Variants in SIPA1L3 observed in about 807,000 individuals in gnomAD.
SIPA1L3 encodes the protein signal-induced proliferation-associated 1-like protein 3.
Under a neutral mutation model 150.1 loss-of-function variants are expected in SIPA1L3, and 59 were observed. The observed-to-expected ratio is 0.39, with a 90% CI of 0.32 to 0.49. The LOEUF (loss-of-function observed/expected upper bound fraction) is 0.49. Among genes scored for constraint, SIPA1L3 ranks in the 20% least tolerant of loss-of-function variants. The probability of loss-of-function intolerance (pLI) is 0.86; values close to 1 mark genes in which losing one functional copy is unlikely to be tolerated. For missense variants in SIPA1L3, 2,211 were observed against 2,489.5 expected (o/e 0.89, Z 2.38); for synonymous variants, 1,070 against 1,077.6 (o/e 0.99, Z 0.14).
chr19:38,082,332 G>A lies in SIPA1L3; in HGVS notation c.767G>A (p.Gly256Glu). ...CCACACCTCATGGGGGGCGGCGGCGGAGCCAAGGGGGACTCCCACAACGGG... is the reference window on the plus strand; with the variant it reads ...CCACACCTCATGGGGGGCGGCGGCGAAGCCAAGGGGGACTCCCACAACGGG... ...PGPHLMGGGG[G>E]AKGDSHNGQP... is the part of the protein sequence containing the mutation. Residue 256 changes from glycine (G) to glutamate (E), a missense_variant, in exon 3 of 22, where the codon GGA (glycine) becomes GAA (glutamate). By Grantham distance (98) the Gly-to-Glu change is moderately conservative. Transcript: ENST00000222345. 2 of 1,598,664 alleles carry A rather than the reference G, an allele frequency of 1.3e-6. No individual in the cohort carries two copies. The highest frequency in any genetic ancestry group is 1.7e-6 in the Non-Finnish European group (2 of 1,178,944).
At chr19:37,976,315 T>G (rs1967075599) in intron 1 of SIPA1L3, among the ~76,000 whole-genome samples, 1 of 152,092 alleles carries the variant, frequency 6.6e-6, no homozygotes, top group Admixed American at 6.5e-5. Context: ...GAAAGATGGC[T>G]GCTCTTGGAG....
intron 12 of SIPA1L3, among the ~76,000 whole-genome samples, chr19:38,147,623 A>G (rs950242256): frequency 7.2e-5 from 11 of 152,064 alleles, no homozygotes; most frequent in African/African-American, 2.7e-4. Context: ...CTCCAGTGCT[A>G]TTTATTGAAA....
intron 15 of SIPA1L3, among the ~76,000 whole-genome samples, chr19:38,171,737 G>C (rs1159992599): frequency 6.6e-6 from 1 of 152,112 alleles, no homozygotes; most frequent in African/African-American, 2.4e-5. Flanking sequence ...GGCTCCTGCA[G>C]TCCCAGCTAC....
intron 15 of SIPA1L3, among the ~76,000 whole-genome samples, chr19:38,171,543 C>T (rs956707427): frequency 2.6e-5 from 4 of 151,850 alleles, no homozygotes; most frequent in Non-Finnish European, 5.9e-5. Context: ...CAGGCACCTG[C>T]CACCACGCCC....
intron 1 of SIPA1L3, among the ~76,000 whole-genome samples, chr19:38,023,462 G>A (rs1968425288): frequency 6.6e-6 from 1 of 152,176 alleles, no homozygotes; most frequent in Non-Finnish European, 1.5e-5. Context: ...ATTTTCCCAA[G>A]GCAAAGTCCT....
intron 18 of SIPA1L3, 31 bp from the exon 19 acceptor site, chr19:38,198,358 A>G: frequency 6.7e-7 from 1 of 1,498,196 alleles, no homozygotes; most frequent in Admixed American, 2.3e-5. Flanking sequence ...TGTCACACTC[A>G]ACCACTGCCA....
intron 15 of SIPA1L3, among the ~76,000 whole-genome samples, chr19:38,178,638 G>A (rs914307954): frequency 6.6e-6 from 1 of 151,886 alleles, no homozygotes; most frequent in Non-Finnish European, 1.5e-5. Context: ...ACCATGCCCA[G>A]CTAATTTTTT....
At chr19:38,122,239 A>AGTGTTG in intron 9 of SIPA1L3, among the ~76,000 whole-genome samples, 1 of 152,230 alleles carries the variant, frequency 6.6e-6, no homozygotes, top group South Asian at 2.1e-4. Context: ...AAACAAAAGC[A>AGTGTTG]AACTCCTGTG....
chr19:37,916,323 G>C (rs1408695719), intron 1 of SIPA1L3, among the ~76,000 whole-genome samples: 1 of 151,816 alleles, frequency 6.6e-6, no homozygotes, highest in Non-Finnish European at 1.5e-5. Flanking sequence ...CACCGCATCT[G>C]ACCTCATCTC....
At chr19:37,983,539 G>C (rs117418328) in intron 1 of SIPA1L3, among the ~76,000 whole-genome samples, 1,742 of 152,264 alleles carry the variant, frequency 0.011, 23 homozygotes, top group Middle Eastern at 0.024. Flanking sequence ...TCAGGTATGC[G>C]GAGAGACCAG....
chr19:38,041,924 A>G (rs1283966131), intron 2 of SIPA1L3, among the ~76,000 whole-genome samples: 1 of 152,202 alleles, frequency 6.6e-6, no homozygotes, highest in Non-Finnish European at 1.5e-5. Flanking sequence ...GAGTTGTAAG[A>G]GTTCTCCATA....
At chr19:38,120,844 T>C (rs1223104317) in intron 9 of SIPA1L3, among the ~76,000 whole-genome samples, 1 of 152,250 alleles carries the variant, frequency 6.6e-6, no homozygotes, top group East Asian at 1.9e-4. Context: ...TGGTCAGTGA[T>C]TGCCTCTGCA....
chr19:38,015,721 TAAAAA>T (rs59452393), intron 1 of SIPA1L3, among the ~76,000 whole-genome samples: 9 of 102,166 alleles, frequency 8.8e-5, no homozygotes, highest in South Asian at 3.7e-4. Context: ...AAGATCCTGT[TAAAAA>T]AAAAAAAAAA....
chr19:38,113,731 C>A (rs1319785496), intron 8 of SIPA1L3, among the ~76,000 whole-genome samples: 1 of 152,166 alleles, frequency 6.6e-6, no homozygotes, highest in Admixed American at 6.6e-5. Flanking sequence ...ACATAGTGGG[C>A]CCTAAAGCCA....
intron 6 of SIPA1L3, among the ~76,000 whole-genome samples, chr19:38,101,591 A>G (rs1003924299): frequency 3.9e-5 from 6 of 152,032 alleles, no homozygotes; most frequent in Admixed American, 3.9e-4. Flanking sequence ...TTGTATTTTT[A>G]GTAGAGACAG....
chr19:38,050,517 TTATTATCAC>T (rs1969168858), intron 2 of SIPA1L3, among the ~76,000 whole-genome samples: 1 of 152,206 alleles, frequency 6.6e-6, no homozygotes, highest in African/African-American at 2.4e-5. Flanking sequence ...GCATTAGCAA[TTATTATCAC>T]TATCACCGTC....
chr19:38,204,032 A>T (rs769958228), intron 20 of SIPA1L3, 95 bp from the exon 21 acceptor site: 47 of 931,362 alleles, frequency 5.0e-5, no homozygotes, highest in Non-Finnish European at 6.9e-5. Flanking sequence ...GTCAGGGATA[A>T]GGGGGCCTGT....
rs1170855907 is a variant in SIPA1L3, at chr19:38,183,460, A to AG, written c.4430+724dup. Reference sequence around the variant, plus strand: ...GGTGGATGTGGTGTGAGAGAAAGAGAGGGGTTGAGGATGGTGCGTCGTCTT... The same window carrying AG: ...GGTGGATGTGGTGTGAGAGAAAGAGAGGGGGTTGAGGATGGTGCGTCGTCTT... On this transcript the variant is annotated intron_variant, in intron 16 of 21. Transcript: ENST00000222345. 3.9e-5 allele frequency among the ~76,000 whole-genome samples: 6 copies of AG among 152,012 alleles called. No homozygotes were observed. The South Asian group carries it at 1.0e-3, about 26-fold the overall frequency.
At chr19:38,090,451 C>T (rs1191070051) in intron 4 of SIPA1L3, among the ~76,000 whole-genome samples, 6 of 152,156 alleles carry the variant, frequency 3.9e-5, no homozygotes, top group Admixed American at 1.3e-4. Flanking sequence ...GGAAACTGCC[C>T]GGTCTAGCAT....
Sources: allele counts gnomAD v4.1 joint callset (sites outside exome capture counted in the v4.1 genomes callset), GRCh38; gene constraint gnomAD v4.1.1; transcripts MANE v1.5; gene names NCBI Gene and HGNC (gene_info 2026-07-23, HGNC 2026-07-21).